Variants in TMEM126B observed in about 807,000 individuals in gnomAD.
TMEM126B encodes the protein complex I assembly factor TMEM126B, mitochondrial.
A neutral mutation model predicts 16.5 loss-of-function variants in TMEM126B; 19 were observed. That is an observed-to-expected ratio of 1.15 (90% confidence interval 0.80 to 1.69). TMEM126B has a LOEUF of 1.69. TMEM126B is among the 40% of genes most tolerant of loss of function. The pLI is 0.00. For missense variants in TMEM126B, 293 were observed against 278.7 expected (o/e 1.05, Z -0.37); for synonymous variants, 104 against 93.2 (o/e 1.12, Z -0.67).
At chr11:85,630,679 C>G (rs1463177980) in intron 1 of TMEM126B, among the ~76,000 whole-genome samples, 4 of 152,208 alleles carry the variant, frequency 2.6e-5, no homozygotes, top group African/African-American at 9.7e-5. Flanking sequence ...TAAGATGCTA[C>G]TGGCCAGGTC....
In TMEM126B at chr11:85,631,812, A is replaced by T; in HGVS notation, c.203+4A>T. 6.2e-7 allele frequency: 1 copy of T among 1,601,398 alleles called. No homozygotes were observed. The highest frequency in any genetic ancestry group is 1.1e-5 in the South Asian group (1 of 88,358). On this transcript the variant is annotated splice_donor_region_variant and intron_variant, in intron 2 of 4. Coordinates refer to ENST00000358867, the MANE Select transcript of TMEM126B (RefSeq NM_018480.7). ...TTGACTATCTTAGAAAAGAAATGTA[A>T]GAGAAATGCCCAGGCTGAAAATCAG...
intron 4 of TMEM126B, 43 bp downstream of exon 4, chr11:85,635,821 CTTTTTTTTT>C: frequency 1.2e-6 from 1 of 867,440 alleles, no homozygotes; most frequent in South Asian, 2.2e-5. Context: ...CTTTTCTTTT[CTTTTTTTTT>C]TTTTTTTTTA....
At chr11:85,630,194 G>A (rs184988503) in intron 1 of TMEM126B, among the ~76,000 whole-genome samples, 2 of 152,186 alleles carry the variant, frequency 1.3e-5, no homozygotes, top group Admixed American at 6.5e-5. Flanking sequence ...CTGAATCCAG[G>A]TATCTCAGGA....
chr11:85,632,011 G>A (rs953007796), intron 2 of TMEM126B, among the ~76,000 whole-genome samples: 2 of 152,172 alleles, frequency 1.3e-5, no homozygotes, highest in East Asian at 1.9e-4. Context: ...GAATATTTCG[G>A]ATTGTGGATA....
At chr11:85,633,983 C>G (rs2082351801) in intron 2 of TMEM126B, 103 bp from the exon 3 acceptor site, 1 of 754,030 alleles carries the variant, frequency 1.3e-6, no homozygotes, top group Non-Finnish European at 2.2e-6. Context: ...AGTAAGTGCT[C>G]AAGAAATATT....
chr11:85,633,391 A>G (rs1011456871), intron 2 of TMEM126B, among the ~76,000 whole-genome samples: 5 of 152,224 alleles, frequency 3.3e-5, no homozygotes, highest in Admixed American at 6.5e-5. Flanking sequence ...GACTTCCACA[A>G]TGGTTGAACT....
At chr11:85,629,265 GAAATTTATTATTAGGTGAA>G (rs1231334290) in intron 1 of TMEM126B, 24 of 1,286,076 alleles carry the variant, frequency 1.9e-5, no homozygotes, top group Non-Finnish European at 2.3e-5. Context: ...TTCTAAAGGT[GAAATTTATTATTAGGTGAA>G]AAATTTATTA....
At chr11:85,633,945 A>G (rs112102165) in intron 2 of TMEM126B, 141 bp from the exon 3 acceptor site, 19 of 619,182 alleles carry the variant, frequency 3.1e-5, no homozygotes, top group Non-Finnish European at 5.0e-5. Flanking sequence ...GTCCTATCTT[A>G]AGCACTTAGA....
chr11:85,633,272 T>G lies in TMEM126B; in HGVS notation c.204-814T>G, dbSNP rs552820161. On this transcript the variant is annotated intron_variant, in intron 2 of 4. Coordinates refer to ENST00000358867, the MANE Select transcript of TMEM126B (RefSeq NM_018480.7). Reference sequence around the variant, plus strand: ...GTGCCACAATAAACATACGTGTGCATGTGTCTTTATAGCAGCATGATTTAT... The same window carrying G: ...GTGCCACAATAAACATACGTGTGCAGGTGTCTTTATAGCAGCATGATTTAT... Among the ~76,000 whole-genome samples, 5 of 152,212 alleles carry G rather than the reference T, an allele frequency of 3.3e-5. No homozygotes were observed. The South Asian group carries it at 8.3e-4, about 25-fold the overall frequency.
chr11:85,632,952 C>G (rs1417475636), intron 2 of TMEM126B, among the ~76,000 whole-genome samples: 1 of 152,122 alleles, frequency 6.6e-6, no homozygotes, highest in African/African-American at 2.4e-5. Context: ...TCCCTCCCCT[C>G]TCCTCCCACC....
intron 1 of TMEM126B, among the ~76,000 whole-genome samples, chr11:85,629,921 T>C (rs1338500781): frequency 6.6e-6 from 1 of 152,210 alleles, no homozygotes; most frequent in Non-Finnish European, 1.5e-5. Flanking sequence ...ATTGAGTACA[T>C]TTCTGCCATG....
chr11:85,634,331 T>C lies in TMEM126B; in HGVS notation c.397+52T>C, dbSNP rs752796270. The C allele has an allele frequency of 9.7e-6, 13 of 1,341,528 alleles. No homozygotes were observed. In the Admixed American group the frequency reaches 2.4e-4, roughly 25 times the overall value. The allele number at this position is 1,341,528 out of a possible 1,614,324, so 83.1% of individuals were successfully genotyped here. On this transcript the variant is annotated intron_variant, in intron 3 of 4. Coordinates refer to ENST00000358867, the MANE Select transcript of TMEM126B (RefSeq NM_018480.7). Reference sequence around the variant, plus strand: ...CGTAGTTATGTCTAAGTAAAGTTACTTATTAACATATACTGTTGCTACTGC... The same window carrying C: ...CGTAGTTATGTCTAAGTAAAGTTACCTATTAACATATACTGTTGCTACTGC...
At chr11:85,633,109 A>C (rs1486953127) in intron 2 of TMEM126B, among the ~76,000 whole-genome samples, 1 of 152,224 alleles carries the variant, frequency 6.6e-6, no homozygotes, top group Non-Finnish European at 1.5e-5. Flanking sequence ...AACTTCATCC[A>C]TGTCCCTACA....
chr11:85,629,098 A>G (rs1055396875), intron 1 of TMEM126B: 11 of 661,460 alleles, frequency 1.7e-5, no homozygotes, highest in Non-Finnish European at 2.7e-5. Context: ...TTTTTCGTTT[A>G]TGTCACTCTC....
intron 1 of TMEM126B, among the ~76,000 whole-genome samples, chr11:85,630,559 T>C (rs1051683418): frequency 1.3e-5 from 2 of 152,234 alleles, no homozygotes; most frequent in Non-Finnish European, 2.9e-5. Context: ...ACAGAGACTC[T>C]AGAGTCTTGC....
Position 85,631,773 on chromosome 11 carries a change from CAT to C in TMEM126B, c.170_171del (p.Ile57ArgfsTer5), listed in dbSNP as rs754264854. On this transcript the variant is annotated frameshift_variant, in exon 2 of 5. Coordinates refer to ENST00000358867, the MANE Select transcript of TMEM126B (RefSeq NM_018480.7). LOFTEE classifies it high-confidence loss of function. ...KLRRPMVIEI[I>X]EKNFDYLRKE... Reference sequence around the variant, plus strand: ...TCAGAAGACCAATGGTCATAGAAATCATAGAAAAAAATTTTGACTATCTTAGA... The same window carrying C: ...TCAGAAGACCAATGGTCATAGAAATCAGAAAAAAATTTTGACTATCTTAGA... The C allele has an allele frequency of 6.2e-7, 1 of 1,611,594 alleles. No individual in the cohort carries two copies. Among genetic ancestry groups the C allele is most frequent in the Admixed American group, 1.7e-5 (1 of 59,488 alleles).
chr11:85,628,650 T>TC lies in TMEM126B; in HGVS notation c.44dup (p.Gly16ArgfsTer8). 6.5e-7 allele frequency: 1 copy of TC among 1,536,150 alleles called. No homozygotes were observed. The highest frequency in any genetic ancestry group is 8.7e-7 in the Non-Finnish European group (1 of 1,146,906). ...TGAGGCTGGGACTAAGCCAAGGGAT[T>TC]CAGGTGTGGTGCCGGTGGGAACTGA... On this transcript the variant is annotated frameshift_variant, in exon 1 of 5. Transcript: ENST00000358867. LOFTEE classifies it high-confidence loss of function.
chr11:85,631,969 A>G (rs1260557888), intron 2 of TMEM126B, among the ~76,000 whole-genome samples, 161 bp downstream of exon 2: 1 of 152,216 alleles, frequency 6.6e-6, no homozygotes, highest in Non-Finnish European at 1.5e-5. Context: ...AGAATGGGGG[A>G]AACAAGAACA....
chr11:85,635,821 C>CT (rs58671332), intron 4 of TMEM126B, 43 bp downstream of exon 4: 108,907 of 861,594 alleles, frequency 0.13, 710 homozygotes, highest in East Asian at 0.21. Flanking sequence ...CTTTTCTTTT[C>CT]TTTTTTTTTT....
Sources: gnomAD v4.1 joint callset for allele counts (sites outside exome capture counted in the v4.1 genomes callset) on GRCh38, gnomAD v4.1.1 for gene constraint, MANE v1.5 for transcripts, NCBI Gene and HGNC (gene_info 2026-07-23, HGNC 2026-07-21) for gene names.